Variants in STRA6 observed in about 807,000 individuals in gnomAD.
STRA6 encodes the protein signaling receptor and transporter of retinol STRA6.
Under a neutral mutation model 83.6 loss-of-function variants are expected in STRA6, and 48 were observed. That is an observed-to-expected ratio of 0.57 (90% confidence interval 0.46 to 0.73). The LOEUF (loss-of-function observed/expected upper bound fraction) is 0.73, where lower values mean the gene tolerates loss of function less well. Among genes scored for constraint, STRA6 ranks in the 30% least tolerant of loss-of-function variants. The pLI is 0.00. For missense variants in STRA6, 760 were observed against 838.8 expected, an observed-to-expected ratio of 0.91 and a Z score of 1.16; for synonymous variants, 353 against 362.3, an observed-to-expected ratio of 0.97 and a Z score of 0.29.
chr15:74,197,867 G>C, intron 2 of STRA6, 49 bp from the exon 3 acceptor site: 1 of 1,593,894 alleles, frequency 6.3e-7, no homozygotes, highest in Non-Finnish European at 8.6e-7. Context: ...GCCCCCCTGG[G>C]TGTGCAGATG....
chr15:74,208,721 C>T lies in STRA6; in HGVS notation c.-16+79G>A, dbSNP rs371066880. On this transcript the variant is annotated intron_variant, in intron 1 of 18. Coordinates refer to the STRA6 transcript ENST00000323940. ...GCTCTGACTCCTGCTCACTTCCCAC[C>T]GCACACCCCATGTGCCTTCTCGCTG... 5.3e-3 allele frequency: 5,258 copies of T among 987,600 alleles called. 20 individuals are homozygous for T. Among genetic ancestry groups the T allele is most frequent in the Non-Finnish European group, 5.9e-3 (4,899 of 831,002 alleles). 61.2% of individuals were successfully genotyped at this position (987,600 alleles called of 1,614,324 possible). A position where few individuals can be genotyped will look rare whatever the true frequency, so the allele number is the denominator to read the frequency against.
upstream of STRA6, chr15:74,207,640 G>C: frequency 7.5e-6 from 11 of 1,470,528 alleles, no homozygotes; most frequent in South Asian, 1.3e-4. Context: ...TCGATAGCAC[G>C]GAAGAGAACA....
intron 1 of STRA6, 147 bp downstream of exon 1, chr15:74,202,566 C>T: frequency 4.1e-6 from 6 of 1,473,518 alleles, no homozygotes; most frequent in Non-Finnish European, 5.4e-6. Flanking sequence ...CCCCGGGGCT[C>T]CCGCTGGCGC....
In STRA6 at chr15:74,202,761, C is replaced by A; in HGVS notation, c.-64G>T. On this transcript the variant is annotated 5_prime_UTR_variant, in exon 1 of 19. Coordinates refer to ENST00000395105, the MANE Select transcript of STRA6 (RefSeq NM_022369.4). ...GGAGTTGCAGAGATGAAAGGGTAGG[C>A]AGCCCACGGCCAGCTCCGCACTGCC... 1 of 1,201,966 alleles carries A rather than the reference C, an allele frequency of 8.3e-7. No individual in the cohort carries two copies. Among genetic ancestry groups the A allele is most frequent in the Non-Finnish European group, 1.0e-6 (1 of 968,830 alleles). 74.5% of individuals were successfully genotyped at this position (1,201,966 alleles called of 1,614,324 possible).
upstream of STRA6, among the ~76,000 whole-genome samples, chr15:74,205,892 G>A (rs1030159161): frequency 3.3e-5 from 5 of 152,250 alleles, no homozygotes; most frequent in Non-Finnish European, 5.9e-5. Flanking sequence ...CAAGCAGAGC[G>A]CAGCCTTGTG....
intron 14 of STRA6, chr15:74,183,564 T>C (rs2073094460): frequency 2.4e-6 from 3 of 1,257,866 alleles, no homozygotes; most frequent in African/African-American, 1.5e-5. Context: ...CATTTTGAAT[T>C]TGACACCTCC....
chr15:74,209,477 G>A (rs573051017), upstream of STRA6: 2 of 1,532,096 alleles, frequency 1.3e-6, no homozygotes, highest in Admixed American at 2.0e-5. Flanking sequence ...CAGCTGGGCT[G>A]AGGGCCCTGA....
upstream of STRA6, among the ~76,000 whole-genome samples, chr15:74,207,124 G>A (rs1369554225): frequency 6.6e-6 from 1 of 152,192 alleles, no homozygotes; most frequent in African/African-American, 2.4e-5. Flanking sequence ...TAAACCTGAG[G>A]AATTTTTGCA....
intron 14 of STRA6, chr15:74,182,821 C>T: frequency 3.2e-6 from 1 of 308,668 alleles, no homozygotes. Context: ...GTTTGCATTC[C>T]TTCAAGCCAG....
intron 14 of STRA6, chr15:74,183,368 C>T: frequency 9.1e-6 from 3 of 330,044 alleles, no homozygotes; most frequent in Non-Finnish European, 1.4e-5. Flanking sequence ...GCCTCATCCT[C>T]CCGAATAGCT....
At chr15:74,186,663 C>T (rs1022524967) in intron 12 of STRA6, among the ~76,000 whole-genome samples, 30 of 152,046 alleles carry the variant, frequency 2.0e-4, no homozygotes, top group South Asian at 2.1e-4. Context: ...CCCAGCTACT[C>T]GGGAGGCTGA....
upstream of STRA6, among the ~76,000 whole-genome samples, chr15:74,207,194 G>C (rs1422196645): frequency 6.6e-6 from 1 of 152,132 alleles, no homozygotes; most frequent in Non-Finnish European, 1.5e-5. Flanking sequence ...AATCCTCAAA[G>C]GGCAAAGTGC....
intron 13 of STRA6, 49 bp downstream of exon 13, chr15:74,184,931 C>T (rs1258901216): frequency 1.3e-6 from 2 of 1,589,600 alleles, no homozygotes; most frequent in Non-Finnish European, 1.7e-6. Flanking sequence ...CACAGGACTC[C>T]CACTCCTTCC....
intron 2 of STRA6, among the ~76,000 whole-genome samples, chr15:74,200,660 C>T (rs1303965096): frequency 2.0e-5 from 3 of 152,212 alleles, no homozygotes; most frequent in Non-Finnish European, 4.4e-5. Context: ...TTTCTGCTCC[C>T]ACTTTGAGGG....
At chr15:74,192,804 T>C (rs952901606) in intron 8 of STRA6, among the ~76,000 whole-genome samples, 6 of 152,256 alleles carry the variant, frequency 3.9e-5, no homozygotes, top group African/African-American at 1.4e-4. Context: ...TCTGCAGAGC[T>C]TTCTTCCTCC....
In STRA6 at chr15:74,183,315, G is replaced by A. The variant is rs190403683; in HGVS notation, c.1300+541C>T. ...AGCTGGAGCGCAGTGGTGCAATCTCGGCTCACTGCAACCTCCACCTCCTGG... is the reference window on the plus strand; with the variant it reads ...AGCTGGAGCGCAGTGGTGCAATCTCAGCTCACTGCAACCTCCACCTCCTGG... On this transcript the variant is annotated intron_variant, in intron 14 of 18. Transcript: ENST00000395105. 559 of 202,952 alleles carry A rather than the reference G, an allele frequency of 2.8e-3. 4 individuals carry two copies. Among genetic ancestry groups the A allele is most frequent in the African/African-American group, 0.012 (522 of 42,868 alleles). 12.6% of individuals were successfully genotyped at this position (202,952 alleles called of 1,614,324 possible).
chr15:74,200,778 C>T (rs940976233), intron 2 of STRA6, among the ~76,000 whole-genome samples: 19 of 152,236 alleles, frequency 1.2e-4, no homozygotes, highest in Non-Finnish European at 2.6e-4. Context: ...GAAGCTGAAT[C>T]TTCTAGATGT....
upstream of STRA6, chr15:74,207,654 A>T: frequency 6.6e-7 from 1 of 1,513,268 alleles, no homozygotes; most frequent in Non-Finnish European, 8.9e-7. Context: ...GAGAACACGC[A>T]AGAGAGGCGT....
At chr15:74,209,631 C>A (rs2074339266), upstream of STRA6, 15 of 595,362 alleles carry the variant, frequency 2.5e-5, no homozygotes, top group South Asian at 2.5e-4. Flanking sequence ...TGGAGTCCTG[C>A]TCTTCACCCC....
Sources: allele counts gnomAD v4.1 joint callset (sites outside exome capture counted in the v4.1 genomes callset), GRCh38; gene constraint gnomAD v4.1.1; transcripts MANE v1.5; gene names NCBI Gene and HGNC (gene_info 2026-07-23, HGNC 2026-07-21).